The following THEM6 variants were observed in gnomAD, a reference collection of about 807,000 sequenced individuals.
THEM6 encodes protein THEM6.
A neutral mutation model predicts 13.7 loss-of-function variants in THEM6; 10 were observed. That is an observed-to-expected ratio of 0.73 (90% confidence interval 0.45 to 1.24). The LOEUF (loss-of-function observed/expected upper bound fraction) is 1.24. Ranked by LOEUF, THEM6 falls within the 50% of genes most tolerant of loss-of-function variation. The pLI is 0.00. For synonymous variants in THEM6, 161 were observed against 156.0 expected, an observed-to-expected ratio of 1.03 and a Z score of -0.24; for missense variants, 317 against 312.6, an observed-to-expected ratio of 1.01 and a Z score of -0.11.
At chr8:142,730,740 T>C (rs1185163251) in intron 1 of THEM6, among the ~76,000 whole-genome samples, 1 of 151,894 alleles carries the variant, frequency 6.6e-6, no homozygotes, top group Non-Finnish European at 1.5e-5. Context: ...TTAAACTTAA[T>C]AAAATCTTTT....
At chr8:142,730,976 A>G (rs1185191711) in intron 1 of THEM6, among the ~76,000 whole-genome samples, 2 of 152,080 alleles carry the variant, frequency 1.3e-5, no homozygotes, top group African/African-American at 4.8e-5. Flanking sequence ...CGATCTCCTG[A>G]CCTCGTGATC....
At chr8:142,730,822 G>A (rs1234575749) in intron 1 of THEM6, among the ~76,000 whole-genome samples, 2 of 149,332 alleles carry the variant, frequency 1.3e-5, no homozygotes, top group African/African-American at 5.0e-5. Context: ...TCAGCTCACC[G>A]CAAGCTCCGC....
At chr8:142,733,126 G>A (rs1303186237) in intron 1 of THEM6, among the ~76,000 whole-genome samples, 1 of 152,126 alleles carries the variant, frequency 6.6e-6, no homozygotes, top group Non-Finnish European at 1.5e-5. Flanking sequence ...TGTCCCGATT[G>A]GCTAGCAACG....
chr8:142,728,367 T>C (rs922578665), intron 1 of THEM6, among the ~76,000 whole-genome samples: 6 of 152,212 alleles, frequency 3.9e-5, no homozygotes, highest in African/African-American at 1.4e-4. Context: ...GCTGAAAGCC[T>C]TCTGGCCTTT....
chr8:142,728,543 A>G (rs1167429515), intron 1 of THEM6, among the ~76,000 whole-genome samples: 1 of 152,216 alleles, frequency 6.6e-6, no homozygotes, highest in Non-Finnish European at 1.5e-5. Flanking sequence ...GCAGGAAGCC[A>G]GGGCCTGTGC....
intron 1 of THEM6, among the ~76,000 whole-genome samples, chr8:142,730,151 C>T (rs1554642813): frequency 6.6e-6 from 1 of 152,166 alleles, no homozygotes; most frequent in East Asian, 1.9e-4. Flanking sequence ...TTAACTTTAA[C>T]TTAGTAGGAT....
Position 142,734,334 on chromosome 8 carries a change from G to A in THEM6, c.514-992G>A, listed in dbSNP as rs182487301. The stretch of plus-strand genomic sequence containing the variant: ...GCAAAGGCCACCAAGGCTGAGAGCC[G>A]GGCACGGAGGCCGAGGAGATGGGGA... On this transcript the variant is annotated intron_variant, in intron 1 of 1. Transcript: ENST00000336138. Among the ~76,000 whole-genome samples the A allele has an allele frequency of 3.5e-3, 531 of 152,344 alleles. 4 individuals are homozygous for A. The highest frequency in any genetic ancestry group is 0.011 in the African/African-American group (444 of 41,574).
intron 1 of THEM6, among the ~76,000 whole-genome samples, chr8:142,728,556 C>T (rs1251513642): frequency 6.6e-6 from 1 of 152,208 alleles, no homozygotes; most frequent in Non-Finnish European, 1.5e-5. Flanking sequence ...GCCTGTGCAC[C>T]CCTGGTGTGC....
At chr8:142,732,161 AATATATATAT>A (rs59428096) in intron 1 of THEM6, among the ~76,000 whole-genome samples, 424 of 37,234 alleles carry the variant, frequency 0.011, 10 homozygotes, top group South Asian at 0.022. Flanking sequence ...GGGAGTTTTG[AATATATATAT>A]ATATATATAT....
chr8:142,727,635 C>A lies in THEM6; in HGVS notation c.289C>A (p.His97Asn). 6.7e-7 allele frequency: 1 copy of A among 1,489,668 alleles called. No individual in the cohort carries two copies. The highest frequency in any genetic ancestry group is 8.9e-7 in the Non-Finnish European group (1 of 1,128,136). The allele number at this position is 1,489,668 out of a possible 1,614,324, so 92.3% of individuals were successfully genotyped here. The change falls in exon 1 of 2, where the codon CAC (histidine) becomes AAC (asparagine). Residue 97 changes from histidine (H) to asparagine (N), a missense_variant. His to Asn is a moderately conservative substitution (Grantham distance 68, BLOSUM62 1). Coordinates refer to ENST00000336138, the MANE Select transcript of THEM6 (RefSeq NM_016647.3). ...CGGGGCGCTGAGGGAGTTGCGGGCGCACACGGTGCTGGCGGCCTCGTGCGC... is the reference window on the plus strand; with the variant it reads ...CGGGGCGCTGAGGGAGTTGCGGGCGAACACGGTGCTGGCGGCCTCGTGCGC... ...VLGALRELRA[H>N]TVLAASCARH...
chr8:142,734,282 T>G (rs988301474), intron 1 of THEM6, among the ~76,000 whole-genome samples: 1 of 152,370 alleles, frequency 6.6e-6, no homozygotes, highest in East Asian at 1.9e-4. Context: ...CTGGACTCTA[T>G]GTCTTTCATG....
At chr8:142,735,187 C>T (rs763536950) in intron 1 of THEM6, 139 bp from the exon 2 acceptor site, 7 of 664,842 alleles carry the variant, frequency 1.1e-5, no homozygotes, top group African/African-American at 1.8e-5. Flanking sequence ...TGTGCAGAGC[C>T]TGGGGAGGCA....
chr8:142,729,838 C>T (rs1461883734), intron 1 of THEM6, among the ~76,000 whole-genome samples: 1 of 152,176 alleles, frequency 6.6e-6, no homozygotes, highest in Non-Finnish European at 1.5e-5. Flanking sequence ...TGCTCCTGAG[C>T]AGTTGAATGT....
rs1297765930 is a variant in THEM6, at chr8:142,732,173, T to C, written c.514-3153T>C. ...AAAGGGAGTTTTGAATATATATATATATATATATATATATATATATATATA... is the reference window on the plus strand; with the variant it reads ...AAAGGGAGTTTTGAATATATATATACATATATATATATATATATATATATA... On this transcript the variant is annotated intron_variant, in intron 1 of 1. Coordinates refer to ENST00000336138, the MANE Select transcript of THEM6 (RefSeq NM_016647.3). Among the ~76,000 whole-genome samples, 42 of 55,696 alleles carry C rather than the reference T, an allele frequency of 7.5e-4. 1 individual carries two copies. The highest frequency in any genetic ancestry group is 3.3e-3 in the African/African-American group (41 of 12,488). The allele number at this position is 55,696 out of a possible 152,430, so 36.5% of individuals were successfully genotyped here. A position where few individuals can be genotyped will look rare whatever the true frequency, so the allele number is the denominator to read the frequency against.
At position 142,735,889 on chromosome 8, in the gene THEM6, G is replaced by C. The variant is rs1815751177; in HGVS notation, c.*450G>C. 6.0e-6 allele frequency: 1 copy of C among 165,706 alleles called. No homozygotes were observed. Among genetic ancestry groups the C allele is most frequent in the Non-Finnish European group, 1.3e-5 (1 of 75,640 alleles). The allele number at this position is 165,706 out of a possible 1,614,324, so 10.3% of individuals were successfully genotyped here. A position where few individuals can be genotyped will look rare whatever the true frequency, so the allele number is the denominator to read the frequency against. On this transcript the variant is annotated 3_prime_UTR_variant, in exon 2 of 2. Transcript: ENST00000336138. ...AGGGCCTGGGCCTGATTCAGGTGCA[G>C]TGGGCACTCCTGAAGGGTCAGAGCG...
rs1554642445 is a variant in THEM6, at chr8:142,727,488, C to G, written c.142C>G (p.Gln48Glu). ...GCGCGTCCGTGACCTGCTAGCTGAG[C>G]AGCGCTTCCCGGGCCGCGTGCTGCC... ...QPRVRDLLAE[Q>E]RFPGRVLPSD... Residue 48 changes from glutamine to glutamate, a missense_variant, in exon 1 of 2, where the codon CAG (glutamine) becomes GAG (glutamate). Coordinates refer to ENST00000336138, the MANE Select transcript of THEM6 (RefSeq NM_016647.3). 6.3e-7 allele frequency: 1 copy of G among 1,576,664 alleles called. No homozygotes were observed. The highest frequency in any genetic ancestry group is 1.1e-5 in the South Asian group (1 of 87,842).
At chr8:142,732,670 T>A (rs1815676792) in intron 1 of THEM6, among the ~76,000 whole-genome samples, 1 of 151,796 alleles carries the variant, frequency 6.6e-6, no homozygotes. Context: ...GTTGCAGCCC[T>A]GGTATGTGAG....
In THEM6 at chr8:142,727,750, C is replaced by A; in HGVS notation, c.404C>A (p.Ala135Glu). The part of the protein sequence containing the change: ...GWDDRAFYLE[A>E]RFVSLRDGFV... ...GACGACCGCGCGTTCTACCTGGAGG[C>A]GCGCTTTGTCAGCCTGCGGGACGGC... Residue 135 changes from alanine (A) to glutamate (E), a missense_variant, in exon 1 of 2, where the codon GCG becomes GAG. Transcript: ENST00000336138. 1 of 1,450,414 alleles carries A rather than the reference C, an allele frequency of 6.9e-7. No individual in the cohort carries two copies. The highest frequency in any genetic ancestry group is 2.9e-5 in the East Asian group (1 of 34,668). 89.8% of individuals were successfully genotyped at this position (1,450,414 alleles called of 1,614,324 possible). A position where few individuals can be genotyped will look rare whatever the true frequency, so the allele number is the denominator to read the frequency against.
At chr8:142,732,836 A>G (rs1815682429) in intron 1 of THEM6, among the ~76,000 whole-genome samples, 1 of 151,764 alleles carries the variant, frequency 6.6e-6, no homozygotes, top group South Asian at 2.1e-4. Flanking sequence ...ATGAGAGAGG[A>G]ACAGAGACCG....
Sources: gnomAD v4.1 joint callset for allele counts (sites outside exome capture counted in the v4.1 genomes callset) on GRCh38, gnomAD v4.1.1 for gene constraint, MANE v1.5 for transcripts, NCBI Gene and HGNC (gene_info 2026-07-23, HGNC 2026-07-21) for gene names.